The following URB1 variants were observed in gnomAD, a reference collection of about 807,000 sequenced individuals.
URB1 encodes the protein URB1 ribosome biogenesis factor.
Under a neutral mutation model 242.3 loss-of-function variants are expected in URB1, and 197 were observed. That is an observed-to-expected ratio of 0.81 (90% CI 0.72 to 0.91). URB1 has a LOEUF of 0.91. Among genes scored for constraint, URB1 ranks in the 40% least tolerant of loss-of-function variants. URB1 has a pLI of 0.00. For synonymous variants in URB1, 1,153 were observed against 1,201.8 expected (o/e 0.96, Z 0.84); for missense variants, 2,721 against 2,860.5 (o/e 0.95, Z 1.11).
intron 30 of URB1, among the ~76,000 whole-genome samples, chr21:32,329,682 G>A (rs926674003): frequency 2.0e-5 from 3 of 152,208 alleles, no homozygotes; most frequent in Non-Finnish European, 2.9e-5. Context: ...GGCTGAAAAC[G>A]GAGCAGTGGG....
At chr21:32,343,185 T>G (rs536295178) in intron 24 of URB1, among the ~76,000 whole-genome samples, 50 of 145,922 alleles carry the variant, frequency 3.4e-4, no homozygotes, top group Admixed American at 2.7e-4. Flanking sequence ...GTAATGGGAG[T>G]TTTTTTTTTG....
rs1184432349 is a variant in URB1, at chr21:32,344,683, G to A, written c.4144C>T (p.Leu1382Phe). Residue 1382 changes from leucine (L) to phenylalanine (F), a missense_variant, in exon 24 of 39, where the codon CTT (leucine) becomes TTT (phenylalanine). Leu to Phe is a conservative substitution (Grantham distance 22). Coordinates refer to ENST00000382751, the MANE Select transcript of URB1 (RefSeq NM_014825.3). ...AEELCAWRRT[L>F]LESCVKWLIV... The stretch of plus-strand genomic sequence containing the variant: ...AGCCACTTCACACAGGACTCCAAAA[G>A]GGTCCTTCTCCAGGCACACAGCTCT... 2.6e-6 allele frequency: 4 copies of A among 1,552,282 alleles called. No individual in the cohort carries two copies. The South Asian group carries it at 3.6e-5, about 14-fold the overall frequency.
intron 3 of URB1, 148 bp from the exon 4 acceptor site, chr21:32,383,702 G>T: frequency 1.1e-6 from 1 of 938,004 alleles, no homozygotes. Context: ...CTTTTTTTAA[G>T]GAAAAAGAAA....
At chr21:32,386,234 G>C (rs1164005886) in intron 1 of URB1, among the ~76,000 whole-genome samples, 1 of 152,098 alleles carries the variant, frequency 6.6e-6, no homozygotes, top group Non-Finnish European at 1.5e-5. Context: ...AGATAACTCA[G>C]GTTAAGTGAG....
At chr21:32,317,166 G>C in intron 37 of URB1, 101 bp from the exon 38 acceptor site, 1 of 1,428,220 alleles carries the variant, frequency 7.0e-7, no homozygotes. Context: ...GGGGCGGCTT[G>C]CATGTCCTGA....
At chr21:32,391,200 C>T (rs1381977264) in intron 1 of URB1, among the ~76,000 whole-genome samples, 2 of 146,244 alleles carry the variant, frequency 1.4e-5, no homozygotes, top group African/African-American at 5.1e-5. Flanking sequence ...GGGAACATCA[C>T]ACACCGGGGC....
At chr21:32,347,988 C>A (rs1048110164) in intron 21 of URB1, among the ~76,000 whole-genome samples, 177 bp from the exon 22 acceptor site, 3 of 152,228 alleles carry the variant, frequency 2.0e-5, no homozygotes, top group Admixed American at 1.3e-4. Flanking sequence ...CCCAAGGCAT[C>A]GCAGCCAAGC....
At chr21:32,330,140 C>T (rs1365681254) in intron 30 of URB1, among the ~76,000 whole-genome samples, 2 of 147,686 alleles carry the variant, frequency 1.4e-5, no homozygotes, top group Non-Finnish European at 3.0e-5. Context: ...CTCCATCTTT[C>T]GTTTGGGATG....
intron 10 of URB1, among the ~76,000 whole-genome samples, chr21:32,365,455 A>C (rs2033336684): frequency 6.6e-6 from 1 of 152,010 alleles, no homozygotes; most frequent in Non-Finnish European, 1.5e-5. Flanking sequence ...TGTCTCAAAA[A>C]AGAAAAAAAA....
chr21:32,376,484 G>A (rs2033460017), intron 5 of URB1, among the ~76,000 whole-genome samples: 2 of 152,046 alleles, frequency 1.3e-5, no homozygotes, highest in African/African-American at 2.4e-5. Flanking sequence ...CTTCAGTACC[G>A]AGAAGTTAAC....
At chr21:32,384,548 G>C in intron 2 of URB1, 84 bp from the exon 3 acceptor site, 1 of 1,475,674 alleles carries the variant, frequency 6.8e-7, no homozygotes, top group African/African-American at 1.4e-5. Flanking sequence ...CTTAGCCATA[G>C]TTACTTGTAG....
rs896772288 is a variant in URB1, at chr21:32,344,743, C to T, written c.4084G>A (p.Asp1362Asn). Residue 1362 changes from aspartate to asparagine, a missense_variant, in exon 24 of 39, where the codon GAC (aspartate) becomes AAC (asparagine). Asp to Asn is a conservative substitution (Grantham distance 23, BLOSUM62 1). Transcript: ENST00000382751. ...CCTTCCAGAGCTGCTGAAATGGAGTCGGCCACGATCCACCTGCAGCAGGAG... is the reference window on the plus strand; with the variant it reads ...CCTTCCAGAGCTGCTGAAATGGAGTTGGCCACGATCCACCTGCAGCAGGAG... ...PSSHKRWIVA[D>N]SISAALEGSA... 7.7e-6 allele frequency: 12 copies of T among 1,550,768 alleles called. No homozygotes were observed. The highest frequency in any genetic ancestry group is 1.2e-5 in the South Asian group (1 of 83,864).
At chr21:32,350,139 A>AGAGG (rs34564878) in intron 20 of URB1, among the ~76,000 whole-genome samples, 1 of 133,986 alleles carries the variant, frequency 7.5e-6, no homozygotes, top group Non-Finnish European at 1.6e-5. Flanking sequence ...AAAAAAAAAA[A>AGAGG]GAGGGAGGGA....
In URB1 at chr21:32,321,823, G is replaced by A. The variant is rs936426584; in HGVS notation, c.5462C>T (p.Pro1821Leu). The A allele has an allele frequency of 1.5e-5, 24 of 1,551,570 alleles. No homozygotes were observed. The South Asian group carries it at 1.7e-4, about 11-fold the overall frequency. Residue 1821 changes from proline (P) to leucine (L), a missense_variant, in exon 34 of 39, where the codon CCG (proline) becomes CTG (leucine). Coordinates refer to ENST00000382751, the MANE Select transcript of URB1 (RefSeq NM_014825.3). ...TACCTGTGCTGCCTCGTCACACAGC[G>A]GGCTGTGGAAGAAGGACAGGATGAT... ...FHIILSFFHS[P>L]LCDEAAQNWI...
intron 15 of URB1, among the ~76,000 whole-genome samples, chr21:32,356,977 A>G (rs1191339933): frequency 3.3e-5 from 5 of 152,238 alleles, no homozygotes; most frequent in Admixed American, 3.3e-4. Flanking sequence ...ATTTCAAATA[A>G]AAGTGAAAGG....
At position 32,324,530 on chromosome 21, in the gene URB1, G is replaced by C. The variant is rs1232726335; in HGVS notation, c.5194C>G (p.Leu1732Val). The change falls in exon 32 of 39, where the codon CTC (leucine) becomes GTC (valine). Residue 1732 changes from leucine to valine, a missense_variant. Physicochemically the swap from Leu to Val is conservative, Grantham distance 32 (BLOSUM62 1). Transcript: ENST00000382751. ...QDMRLTFTLALFIAKAALQIL... is the reference protein window; with the variant it reads ...QDMRLTFTLAVFIAKAALQIL... ...TGCAGGGCTGCTTTGGCAATGAAGA[G>C]AGCCAAGGTAAAAGTAAGTCTCATG... is the stretch of plus-strand genomic sequence containing the variant. The C allele has an allele frequency of 1.3e-6, 2 of 1,551,968 alleles. No individual in the cohort carries two copies. Among genetic ancestry groups the C allele is most frequent in the Non-Finnish European group, 1.7e-6 (2 of 1,147,044 alleles).
rs555960382 is a variant in URB1 at position 32,314,145 on chromosome 21, T to C, written c.*773A>G. On this transcript the variant is annotated 3_prime_UTR_variant, in exon 39 of 39. Coordinates refer to ENST00000382751, the MANE Select transcript of URB1 (RefSeq NM_014825.3). ...AGAAATTAACTTATTCAAAAAGTCATACTAATACTTTGTTATGACTTTTTA... is the reference window on the plus strand; with the variant it reads ...AGAAATTAACTTATTCAAAAAGTCACACTAATACTTTGTTATGACTTTTTA... 6 of 188,426 alleles carry C rather than the reference T, an allele frequency of 3.2e-5. No individual in the cohort carries two copies. In the East Asian group the frequency reaches 6.8e-4, roughly 21 times the overall value. 11.7% of individuals were successfully genotyped at this position (188,426 alleles called of 1,614,324 possible). A position where few individuals can be genotyped will look rare whatever the true frequency, so the allele number is the denominator to read the frequency against.
At chr21:32,349,222 A>T (rs999273965) in intron 21 of URB1, 82 bp downstream of exon 21, 17 of 1,420,906 alleles carry the variant, frequency 1.2e-5, no homozygotes, top group Non-Finnish European at 1.5e-5. Context: ...CAATGGACCT[A>T]TGTTTGTTTT....
intron 11 of URB1, 41 bp downstream of exon 11, chr21:32,363,115 T>G: frequency 6.5e-7 from 1 of 1,530,860 alleles, no homozygotes; most frequent in South Asian, 1.2e-5. Flanking sequence ...TTCCACCTGG[T>G]GAGGTCTGGA....
Sources: gnomAD v4.1 joint callset for allele counts (sites outside exome capture counted in the v4.1 genomes callset) on GRCh38, gnomAD v4.1.1 for gene constraint, MANE v1.5 for transcripts, NCBI Gene and HGNC (gene_info 2026-07-23, HGNC 2026-07-21) for gene names.